The following TCF20 variants were observed in gnomAD, a reference collection of about 807,000 sequenced individuals.
TCF20 encodes the protein SPRE-binding protein.
Under a neutral mutation model 148.6 loss-of-function variants are expected in TCF20, and 3 were observed. That is an observed-to-expected ratio of 0.02 (90% CI 0.01 to 0.05). The LOEUF (loss-of-function observed/expected upper bound fraction) is 0.05. TCF20 is among the 10% of genes least tolerant of loss of function. The probability of loss-of-function intolerance (pLI) is 1.00; values close to 1 mark genes in which losing one functional copy is unlikely to be tolerated. For missense variants in TCF20, 2,350 were observed against 2,429.3 expected, an observed-to-expected ratio of 0.97 and a Z score of 0.69; for synonymous variants, 1,049 against 909.5, an observed-to-expected ratio of 1.15 and a Z score of -2.76.
chr22:42,256,756 T>C (rs1194637998), intron 1 of TCF20, among the ~76,000 whole-genome samples: 1 of 152,216 alleles, frequency 6.6e-6, no homozygotes, highest in Non-Finnish European at 1.5e-5. Context: ...CTGTTTAGGT[T>C]CATTTACACT....
chr22:42,178,825 G>C (rs761478429), intron 3 of TCF20, among the ~76,000 whole-genome samples: 1 of 151,016 alleles, frequency 6.6e-6, no homozygotes, highest in Non-Finnish European at 1.5e-5. Flanking sequence ...TGATCCACCC[G>C]CCCGGCCTAC....
chr22:42,289,645 C>CGGCT (rs1927097343), intron 1 of TCF20, among the ~76,000 whole-genome samples: 1 of 152,178 alleles, frequency 6.6e-6, no homozygotes, highest in African/African-American at 2.4e-5. Flanking sequence ...TGAACTTAGG[C>CGGCT]GGCTAAAGGG....
rs759572513 is a variant in TCF20 at position 42,209,802 on chromosome 22, C to A, written c.5504G>T (p.Gly1835Val). 2 of 1,614,082 alleles carry A rather than the reference C, an allele frequency of 1.2e-6. No homozygotes were observed. The highest frequency in any genetic ancestry group is 2.7e-5 in the African/African-American group (2 of 74,932). Residue 1835 changes from glycine (G) to valine (V), a missense_variant, in exon 2 of 6, where the codon GGC becomes GTC. Around this residue, in one of 7 missense-constraint regions of TCF20, gnomAD observed 374 missense variants for 398.3 expected, o/e 0.94. Coordinates refer to ENST00000677622, the MANE Select transcript of TCF20 (RefSeq NM_001378418.1). The part of the protein sequence containing the change: ...KPSVPTTSEG[G>V]PELELQIPEL... ...AGGGATTTGTAACTCCAGCTCAGGG[C>A]CACCTTCTGAAGTGGTGGGCACGGA... is the stretch of plus-strand genomic sequence containing the variant.
chr22:42,291,869 C>T (rs533609986), intron 1 of TCF20, among the ~76,000 whole-genome samples: 16 of 151,952 alleles, frequency 1.1e-4, no homozygotes, highest in Non-Finnish European at 2.2e-4. Context: ...GAAGGGCTAG[C>T]GTGAGGGGGT....
intron 1 of TCF20, among the ~76,000 whole-genome samples, chr22:42,319,467 C>G (rs1488959674): frequency 6.6e-6 from 1 of 152,218 alleles, no homozygotes; most frequent in Non-Finnish European, 1.5e-5. Context: ...TCTCCCCAGA[C>G]CTCCCCTGCC....
chr22:42,206,284 A>G (rs1303050084), intron 2 of TCF20, among the ~76,000 whole-genome samples: 1 of 152,202 alleles, frequency 6.6e-6, no homozygotes, highest in Non-Finnish European at 1.5e-5. Flanking sequence ...GGCTGGGCGC[A>G]GTGACCCACA....
Position 42,179,713 on chromosome 22 carries a change from G to A in TCF20, c.5656-11C>T, listed in dbSNP as rs181020107. On this transcript the variant is annotated splice_polypyrimidine_tract_variant and intron_variant, in intron 2 of 5. Transcript: ENST00000677622. ...GCAGTGGGAACATTTCTGAAAGGAA[G>A]GGAAAAGTCAGGCATGTCAGTATCC... 5.1e-3 allele frequency: 8,223 copies of A among 1,606,112 alleles called. 28 individuals are homozygous for A. Among genetic ancestry groups the A allele is most frequent in the Non-Finnish European group, 6.4e-3 (7,535 of 1,172,866 alleles).
chr22:42,283,617 TCGAGCAGCTGCGG>T (rs1274758995), intron 1 of TCF20, among the ~76,000 whole-genome samples: 2 of 151,800 alleles, frequency 1.3e-5, no homozygotes, highest in African/African-American at 4.8e-5. Context: ...CAGCCGCCAC[TCGAGCAGCTGCGG>T]CCTTTGATGG....
At chr22:42,342,311 A>G (rs548083595) in intron 1 of TCF20, among the ~76,000 whole-genome samples, 1 of 152,232 alleles carries the variant, frequency 6.6e-6, no homozygotes, top group South Asian at 2.1e-4. Flanking sequence ...GACTGGATGG[A>G]CAGGCAGGTA....
intron 1 of TCF20, among the ~76,000 whole-genome samples, chr22:42,306,173 C>A (rs4822106): frequency 6.6e-6 from 1 of 151,908 alleles, no homozygotes; most frequent in Admixed American, 6.5e-5. Flanking sequence ...GAGACGGAGC[C>A]GCTGTGCGCG....
chr22:42,285,732 C>T (rs1480037359), upstream of TCF20, among the ~76,000 whole-genome samples: 1 of 152,082 alleles, frequency 6.6e-6, no homozygotes, highest in Non-Finnish European at 1.5e-5. This position sits in a 1 kb window ranked among gnomAD's most constrained non-coding sequence, Gnocchi z 4.2. Context: ...CTCAGCCATC[C>T]AAAGTGCTAG....
At chr22:42,184,161 AGAAG>A in intron 2 of TCF20, among the ~76,000 whole-genome samples, 1 of 152,276 alleles carries the variant, frequency 6.6e-6, no homozygotes, top group South Asian at 2.1e-4. Context: ...AGATCAATAA[AGAAG>A]GAACTCTGGG....
At chr22:42,307,038 T>TAAAAAA (rs5845532) in intron 1 of TCF20, among the ~76,000 whole-genome samples, 1 of 92,762 alleles carries the variant, frequency 1.1e-5, no homozygotes, top group South Asian at 3.9e-4. Context: ...GACTCTGTCT[T>TAAAAAA]AAAAAAAAAA....
At position 42,253,395 on chromosome 22, in the gene TCF20, G is replaced by GA. The variant is rs199707471; in HGVS notation, c.-37+16943dup. Among the ~76,000 whole-genome samples the GA allele has an allele frequency of 2.0e-3, 293 of 149,718 alleles. 4 individuals are homozygous for GA. Among genetic ancestry groups the GA allele is most frequent in the South Asian group, 0.01 (48 of 4,758 alleles). ...CAGGACGGGCTAGTATCAAAATATA[G>GA]AAAAAAAAATAAAGTAGAGATAATG... On this transcript the variant is annotated intron_variant, in intron 1 of 5. Transcript: ENST00000677622.
chr22:42,210,080 G>A lies in TCF20; in HGVS notation c.5226C>T (p.Ala1742=). 6.2e-7 allele frequency: 1 copy of A among 1,613,828 alleles called. No individual in the cohort carries two copies. The highest frequency in any genetic ancestry group is 8.5e-7 in the Non-Finnish European group (1 of 1,180,030). Residue 1742 remains alanine, a synonymous_variant, in exon 2 of 6, where the codon GCC becomes GCT. Transcript: ENST00000677622. This position sits in a 1 kb window ranked among gnomAD's most constrained non-coding sequence, Gnocchi z 4.7. ...CCTTAACTTTGCTCTGCATTTCTGT[G>A]GCCCTCTTAGGAGGTGGATTCTTCG... ...TLPKNPPPKR[A]TEMQSKVKVR...
At position 42,210,610 on chromosome 22, in the gene TCF20, T is replaced by TCTGTGGGGG; in HGVS notation, c.4687_4695dup (p.Pro1563_Gln1565dup). ...TCTCCATCTGCAGAACCTTCTGGTA[T>TCTGTGGGGG]CTGTGGGGGCTGAGGGGGTGGAGGC... On this transcript the variant is annotated inframe_insertion, in exon 2 of 6. Transcript: ENST00000677622. The surrounding 1 kb of genome is among the most constrained non-coding windows in gnomAD (Gnocchi z 4.7). The TCTGTGGGGG allele has an allele frequency of 1.2e-6, 2 of 1,614,198 alleles. No individual in the cohort carries two copies. Among genetic ancestry groups the TCTGTGGGGG allele is most frequent in the Non-Finnish European group, 1.7e-6 (2 of 1,180,034 alleles).
intron 1 of TCF20, among the ~76,000 whole-genome samples, chr22:42,243,310 A>AAAAAAAAAAAAAAAAACAAAAAC (rs1569180401): frequency 7.1e-6 from 1 of 140,864 alleles, no homozygotes; most frequent in African/African-American, 3.0e-5. Flanking sequence ...AAAAAAAAAA[A>AAAAAAAAAAAAAAAAACAAAAAC]AAAAAAAAAA....
intron 1 of TCF20, among the ~76,000 whole-genome samples, chr22:42,320,379 C>A (rs1446327925): frequency 6.6e-6 from 1 of 152,110 alleles, no homozygotes; most frequent in East Asian, 1.9e-4. Context: ...GGCACGATGA[C>A]CCTCATGGCC....
At chr22:42,236,715 A>T (rs1346555969) in intron 1 of TCF20, among the ~76,000 whole-genome samples, 1 of 152,234 alleles carries the variant, frequency 6.6e-6, no homozygotes, top group East Asian at 1.9e-4. Context: ...ATGAAAAATC[A>T]GCCACAAGCA....
Sources: allele counts gnomAD v4.1 joint callset (sites outside exome capture counted in the v4.1 genomes callset), GRCh38; gene constraint gnomAD v4.1.1; regional missense constraint gnomAD v4.1.1; non-coding constraint Gnocchi (gnomAD v3.1); transcripts MANE v1.5; gene names NCBI Gene and HGNC (gene_info 2026-07-23, HGNC 2026-07-21).